NRG3: variants seen among roughly 807,000 people sequenced by gnomAD.
NRG3 encodes the protein neuregulin 3.
A neutral mutation model predicts 66.9 loss-of-function variants in NRG3; 31 were observed. The observed-to-expected ratio is 0.46, with a 90% CI of 0.35 to 0.63. NRG3 has a LOEUF of 0.63. NRG3 is among the 20% of genes least tolerant of loss of function. The pLI is 0.00. For synonymous variants in NRG3, 393 were observed against 359.4 expected (o/e 1.09, Z -1.06); for missense variants, 910 against 878.9 (o/e 1.04, Z -0.45).
intron 1 of NRG3, among the ~76,000 whole-genome samples, chr10:82,311,611 G>A (rs2081032620): frequency 6.6e-6 from 1 of 152,164 alleles, no homozygotes; most frequent in Non-Finnish European, 1.5e-5. Flanking sequence ...TGGCAGGTAG[G>A]ATCAGGAAAG....
intron 1 of NRG3, among the ~76,000 whole-genome samples, chr10:82,310,260 A>G (rs1195848808): frequency 6.6e-6 from 1 of 152,178 alleles, no homozygotes; most frequent in Non-Finnish European, 1.5e-5. Context: ...CAAAAAGGTG[A>G]TGTGACTTGT....
At position 82,898,715 on chromosome 10, in the gene NRG3, C is replaced by CTTT. The variant is rs765058089; in HGVS notation, c.1054+33300_1054+33302dup. On this transcript the variant is annotated intron_variant, in intron 4 of 8. Transcript: ENST00000372141. The stretch of plus-strand genomic sequence containing the variant: ...CTGAATAGAAGGCCAGGAGTTTTAC[C>CTTT]TTTTTTTTTTTTTTTTTTTTTTTTG... Among the ~76,000 whole-genome samples, 543 of 89,266 alleles carry CTTT rather than the reference C, an allele frequency of 6.1e-3. 2 individuals carry two copies. The highest frequency in any genetic ancestry group is 0.012 in the African/African-American group (266 of 21,618). The allele number at this position is 89,266 out of a possible 152,430, so 58.6% of individuals were successfully genotyped here.
intron 1 of NRG3, among the ~76,000 whole-genome samples, chr10:82,158,590 G>T (rs777802196): frequency 6.6e-6 from 1 of 151,866 alleles, no homozygotes; most frequent in Non-Finnish European, 1.5e-5. Flanking sequence ...TGATCTGACT[G>T]TTGGGTTTAA....
chr10:82,244,356 G>C (rs960841401), intron 1 of NRG3, among the ~76,000 whole-genome samples: 7 of 152,176 alleles, frequency 4.6e-5, no homozygotes, highest in Admixed American at 1.3e-4. Flanking sequence ...GATTGTAAGA[G>C]AAATCTAGAA....
intron 2 of NRG3, among the ~76,000 whole-genome samples, chr10:82,735,732 A>G (rs187921838): frequency 2.8e-3 from 422 of 152,180 alleles, no homozygotes; most frequent in African/African-American, 8.6e-3. Context: ...AGGGAGGGGA[A>G]CATCACACAC....
chr10:82,492,799 G>A (rs964688133), intron 2 of NRG3, among the ~76,000 whole-genome samples: 5 of 152,168 alleles, frequency 3.3e-5, no homozygotes, highest in Admixed American at 2.0e-4. Context: ...TTTGAGAAAC[G>A]TGTCCTTAGC....
At chr10:82,351,333 A>G (rs2083427949) in intron 1 of NRG3, among the ~76,000 whole-genome samples, 1 of 152,220 alleles carries the variant, frequency 6.6e-6, no homozygotes. Context: ...TGTTGTAGAG[A>G]AAGATACACC....
At chr10:82,824,815 CA>C (rs1332762771) in intron 3 of NRG3, among the ~76,000 whole-genome samples, 1 of 151,562 alleles carries the variant, frequency 6.6e-6, no homozygotes, top group African/African-American at 2.4e-5. Flanking sequence ...CTCCTGGGCT[CA>C]AGTCATCCCC....
chr10:82,925,053 G>C (rs1164929271), intron 4 of NRG3, among the ~76,000 whole-genome samples: 2 of 152,148 alleles, frequency 1.3e-5, no homozygotes, highest in African/African-American at 4.8e-5. Context: ...CGAAAACCCT[G>C]TACAGAAGAC....
chr10:82,211,330 C>T (rs988035208), intron 1 of NRG3, among the ~76,000 whole-genome samples: 22 of 152,068 alleles, frequency 1.4e-4, no homozygotes, highest in African/African-American at 5.3e-4. Context: ...TCCTAGATTT[C>T]TTTTTCTTTA....
Position 82,479,019 on chromosome 10 carries a change from C to T in NRG3, c.953+120151C>T, listed in dbSNP as rs74144260. ...TTTGGTGCAAGACAATGTAGAAAGG[C>T]TCATGGTGTAAAGGTGAAGGATATC... On this transcript the variant is annotated intron_variant, in intron 2 of 8. Coordinates refer to ENST00000372141, the MANE Select transcript of NRG3 (RefSeq NM_001010848.4). 9.0e-3 allele frequency among the ~76,000 whole-genome samples: 1,374 copies of T among 152,222 alleles called. 17 individuals carry two copies. Among genetic ancestry groups the T allele is most frequent in the African/African-American group, 0.032 (1,315 of 41,526 alleles).
At chr10:82,831,999 G>T (rs2062553453) in intron 3 of NRG3, among the ~76,000 whole-genome samples, 1 of 151,970 alleles carries the variant, frequency 6.6e-6, no homozygotes, top group African/African-American at 2.4e-5. Context: ...AAGCTGTTTT[G>T]CTTTCTACCT....
At chr10:82,587,053 G>A (rs1384756735) in intron 2 of NRG3, among the ~76,000 whole-genome samples, 1 of 152,074 alleles carries the variant, frequency 6.6e-6, no homozygotes, top group East Asian at 1.9e-4. Context: ...ATTTCAGAGG[G>A]TTCACAAGGT....
intron 3 of NRG3, among the ~76,000 whole-genome samples, chr10:82,788,927 A>G (rs1037947868): frequency 4.6e-5 from 7 of 152,100 alleles, no homozygotes; most frequent in Admixed American, 1.3e-4. Flanking sequence ...TACGCTACAT[A>G]TTTATCAGTT....
chr10:82,540,304 G>A (rs1232317017), intron 2 of NRG3, among the ~76,000 whole-genome samples: 1 of 150,846 alleles, frequency 6.6e-6, no homozygotes, highest in Non-Finnish European at 1.5e-5. Context: ...CTGCCTTCCA[G>A]TGTTGTGCTT....
chr10:82,977,055 TCTGA>T (rs1240108014), intron 7 of NRG3, among the ~76,000 whole-genome samples: 4 of 152,106 alleles, frequency 2.6e-5, no homozygotes, highest in East Asian at 1.9e-4. Context: ...TCTCCAGGAC[TCTGA>T]CTGGTACAAG....
At position 82,653,958 on chromosome 10, in the gene NRG3, G is replaced by A. The variant is rs141796983; in HGVS notation, c.954-84619G>A. Among the ~76,000 whole-genome samples the A allele has an allele frequency of 5.0e-3, 759 of 152,232 alleles. 4 individuals are homozygous for A. Among genetic ancestry groups the A allele is most frequent in the African/African-American group, 0.017 (714 of 41,538 alleles). ...AAAGCCAGAGATTACGTACTACTGC[G>A]GGTGTCTTTTCTTTCAACGAGACTC... On this transcript the variant is annotated intron_variant, in intron 2 of 8. Transcript: ENST00000372141.
At chr10:82,250,605 T>G (rs1431312266) in intron 1 of NRG3, among the ~76,000 whole-genome samples, 1 of 152,146 alleles carries the variant, frequency 6.6e-6, no homozygotes, top group Non-Finnish European at 1.5e-5. Context: ...CAGAATGACT[T>G]CTGCTGAGAT....
chr10:82,313,163 A>G (rs1405997039), intron 1 of NRG3, among the ~76,000 whole-genome samples: 1 of 151,606 alleles, frequency 6.6e-6, no homozygotes, highest in East Asian at 1.9e-4. Context: ...ACAGAGCGAG[A>G]CCCTGTCTCA....
Sources: allele counts gnomAD v4.1 joint callset (sites outside exome capture counted in the v4.1 genomes callset), GRCh38; gene constraint gnomAD v4.1.1; transcripts MANE v1.5; gene names NCBI Gene and HGNC (gene_info 2026-07-23, HGNC 2026-07-21).